The following KCNQ1OT1 variants were observed in gnomAD, a reference collection of about 807,000 sequenced individuals.
KCNQ1OT1 encodes the protein KCNQ1 antisense RNA 2 (non-protein coding).
rs552495591 is a variant in KCNQ1OT1, at chr11:2,617,778, C to T, written n.82217G>A. ...GTAATTTTGATTTGCATTTCCCTGA[C>T]GATTAGTGATGTTAAATGTCTTTTC... On this transcript the variant is annotated non_coding_transcript_exon_variant, in exon 1 of 1. Coordinates refer to ENST00000597346, the Ensembl canonical transcript of KCNQ1OT1. The surrounding 1 kb of genome is among the most constrained non-coding windows in gnomAD (Gnocchi z 4.6). The T allele has an allele frequency of 5.3e-5, 21 of 398,426 alleles. No individual in the cohort carries two copies. Among genetic ancestry groups the T allele is most frequent in the South Asian group, 2.5e-4 (2 of 7,858 alleles). The allele number at this position is 398,426 out of a possible 1,614,324, so 24.7% of individuals were successfully genotyped here. A position where few individuals can be genotyped will look rare whatever the true frequency, so the allele number is the denominator to read the frequency against.
In KCNQ1OT1 at chr11:2,674,683, T is replaced by C. The variant is rs1347173341; in HGVS notation, n.25312A>G. The C allele has an allele frequency of 5.0e-6, 2 of 398,482 alleles. No individual in the cohort carries two copies. The highest frequency in any genetic ancestry group is 7.1e-5 in the East Asian group (2 of 28,072). 24.7% of individuals were successfully genotyped at this position (398,482 alleles called of 1,614,324 possible). ...TTGCAAAATAATTTGAAAAGTTTGT[T>C]GAACCTTAAACCTTTCCTGATGACT... On this transcript the variant is annotated non_coding_transcript_exon_variant, in exon 1 of 1. Coordinates refer to ENST00000597346, the Ensembl canonical transcript of KCNQ1OT1. This position sits in a 1 kb window ranked among gnomAD's most constrained non-coding sequence, Gnocchi z 5.9.
rs183271241 is a variant in KCNQ1OT1, at chr11:2,624,350, T to C, written n.75645A>G. The C allele has an allele frequency of 1.1e-4, 44 of 398,510 alleles. No individual in the cohort carries two copies. The highest frequency in any genetic ancestry group is 9.0e-4 in the African/African-American group (44 of 48,740). 24.7% of individuals were successfully genotyped at this position (398,510 alleles called of 1,614,324 possible). On this transcript the variant is annotated non_coding_transcript_exon_variant, in exon 1 of 1. Transcript: ENST00000597346. The surrounding 1 kb of genome is among the most constrained non-coding windows in gnomAD (Gnocchi z 4.9). ...TCAGGTATATCTTTTACAAGTATTGTCTCCCTTCTGTGGCCTGTCCTTTCA... is the reference window on the plus strand; with the variant it reads ...TCAGGTATATCTTTTACAAGTATTGCCTCCCTTCTGTGGCCTGTCCTTTCA...
At chr11:2,699,623 C>T (rs1404344712) in exon 1 of KCNQ1OT1, 31 of 352,462 alleles carry the variant, frequency 8.8e-5, no homozygotes, top group Non-Finnish European at 1.1e-4. Flanking sequence ...GAGAGAACCG[C>T]GCCGAAGAAC....
chr11:2,644,030 C>G (rs1564843225), exon 1 of KCNQ1OT1: 1 of 398,438 alleles, frequency 2.5e-6, no homozygotes, highest in Non-Finnish European at 4.4e-6. Flanking sequence ...TTTTATGATT[C>G]TCTCTTTGTC....
rs1245917107 is a variant in KCNQ1OT1 at position 2,669,467 on chromosome 11, G to T, written n.30528C>A. 1 of 398,602 alleles carries T rather than the reference G, an allele frequency of 2.5e-6. No homozygotes were observed. Among genetic ancestry groups the T allele is most frequent in the South Asian group, 1.3e-4 (1 of 7,858 alleles). 24.7% of individuals were successfully genotyped at this position (398,602 alleles called of 1,614,324 possible). A position where few individuals can be genotyped will look rare whatever the true frequency, so the allele number is the denominator to read the frequency against. ...ACCTTGCCCTGTAGTTTTCAGTGTG[G>T]TGGTCATGAACAGCTTGTCAGATTC... is the stretch of plus-strand genomic sequence containing the variant. On this transcript the variant is annotated non_coding_transcript_exon_variant, in exon 1 of 1. Transcript: ENST00000597346. The surrounding 1 kb of genome is among the most constrained non-coding windows in gnomAD (Gnocchi z 5.6).
chr11:2,698,230 A>T lies in KCNQ1OT1; in HGVS notation n.1765T>A, dbSNP rs1407323720. The T allele has an allele frequency of 2.5e-6, 1 of 398,676 alleles. No homozygotes were observed. The highest frequency in any genetic ancestry group is 4.4e-5 in the Admixed American group (1 of 22,742). The allele number at this position is 398,676 out of a possible 1,614,324, so 24.7% of individuals were successfully genotyped here. A position where few individuals can be genotyped will look rare whatever the true frequency, so the allele number is the denominator to read the frequency against. ...ACTGGTAAATGCACATCAAATGTGG[A>T]TATTATCAGGAAAGTTTTTATACTT... On this transcript the variant is annotated non_coding_transcript_exon_variant, in exon 1 of 1. Transcript: ENST00000597346. This position sits in a 1 kb window ranked among gnomAD's most constrained non-coding sequence, Gnocchi z 5.1.
chr11:2,622,775 A>C (rs1042618921), exon 1 of KCNQ1OT1: 2 of 398,506 alleles, frequency 5.0e-6, no homozygotes, highest in African/African-American at 4.1e-5. Context: ...GTAAGTACAG[A>C]GATTTCCCGT....
At chr11:2,640,480 C>A in exon 1 of KCNQ1OT1, 2 of 398,204 alleles carry the variant, frequency 5.0e-6, no homozygotes, top group South Asian at 2.6e-4. Context: ...GAGACAGGGT[C>A]GTGCATTGTT....
exon 1 of KCNQ1OT1, chr11:2,643,411 A>C (rs1319610257): frequency 2.5e-6 from 1 of 398,302 alleles, no homozygotes. Context: ...CTATATAATG[A>C]CTTCGTCTCT....
chr11:2,666,786 C>G (rs1289070856), exon 1 of KCNQ1OT1: 1 of 398,628 alleles, frequency 2.5e-6, no homozygotes, highest in Non-Finnish European at 4.4e-6. Context: ...CACCATATTT[C>G]TCTCCCTGTA....
rs1422170433 is a variant in KCNQ1OT1, at chr11:2,617,458, G to C, written n.82537C>G. ...TTGTAGACATACACACCACAGTTTA[G>C]TCATCCATCAATGGACACGTAAGTT... On this transcript the variant is annotated non_coding_transcript_exon_variant, in exon 1 of 1. Coordinates refer to ENST00000597346, the Ensembl canonical transcript of KCNQ1OT1. The surrounding 1 kb of genome is among the most constrained non-coding windows in gnomAD (Gnocchi z 4.6). 1 of 398,192 alleles carries C rather than the reference G, an allele frequency of 2.5e-6. No individual in the cohort carries two copies. The highest frequency in any genetic ancestry group is 4.4e-6 in the Non-Finnish European group (1 of 225,912). 24.7% of individuals were successfully genotyped at this position (398,192 alleles called of 1,614,324 possible).
At position 2,642,060 on chromosome 11, in the gene KCNQ1OT1, A is replaced by G; in HGVS notation, n.57935T>C. 2.5e-6 allele frequency: 1 copy of G among 398,330 alleles called. No homozygotes were observed. 24.7% of individuals were successfully genotyped at this position (398,330 alleles called of 1,614,324 possible). Reference sequence around the variant, plus strand: ...ATTTTTAAATCAGGCAGTGTGATGCATCCAACTTTGTTATTTTTGCTCAGA... The same window carrying G: ...ATTTTTAAATCAGGCAGTGTGATGCGTCCAACTTTGTTATTTTTGCTCAGA... On this transcript the variant is annotated non_coding_transcript_exon_variant, in exon 1 of 1. Coordinates refer to ENST00000597346, the Ensembl canonical transcript of KCNQ1OT1. The surrounding 1 kb of genome is among the most constrained non-coding windows in gnomAD (Gnocchi z 4.3).
At position 2,617,048 on chromosome 11, in the gene KCNQ1OT1, T is replaced by C; in HGVS notation, n.82947A>G. The C allele has an allele frequency of 2.5e-6, 1 of 398,148 alleles. No individual in the cohort carries two copies. Among genetic ancestry groups the C allele is most frequent in the East Asian group, 3.6e-5 (1 of 28,054 alleles). The allele number at this position is 398,148 out of a possible 1,614,324, so 24.7% of individuals were successfully genotyped here. A position where few individuals can be genotyped will look rare whatever the true frequency, so the allele number is the denominator to read the frequency against. ...GTTAACATAGTGATGCAAATTAATA[T>C]GTCCATCATCTCACAGTTATTCTTT... On this transcript the variant is annotated non_coding_transcript_exon_variant, in exon 1 of 1. Transcript: ENST00000597346. The surrounding 1 kb of genome is among the most constrained non-coding windows in gnomAD (Gnocchi z 4.6).
exon 1 of KCNQ1OT1, chr11:2,666,613 T>A (rs1850073300): frequency 5.0e-6 from 2 of 398,512 alleles, no homozygotes; most frequent in Non-Finnish European, 8.8e-6. Flanking sequence ...AGGGCAAACG[T>A]CACAAGGGTG....
chr11:2,619,267 A>G (rs1054459170), exon 1 of KCNQ1OT1: 4 of 398,434 alleles, frequency 1.0e-5, no homozygotes, highest in Non-Finnish European at 1.8e-5. Flanking sequence ...TCATAGTAGA[A>G]GGGCTTCTGT....
In KCNQ1OT1 at chr11:2,653,972, G is replaced by C; in HGVS notation, n.46023C>G. The C allele has an allele frequency of 2.5e-6, 1 of 398,668 alleles. No homozygotes were observed. Among genetic ancestry groups the C allele is most frequent in the Admixed American group, 4.4e-5 (1 of 22,748 alleles). The allele number at this position is 398,668 out of a possible 1,614,324, so 24.7% of individuals were successfully genotyped here. A position where few individuals can be genotyped will look rare whatever the true frequency, so the allele number is the denominator to read the frequency against. On this transcript the variant is annotated non_coding_transcript_exon_variant, in exon 1 of 1. Transcript: ENST00000597346. This position sits in a 1 kb window ranked among gnomAD's most constrained non-coding sequence, Gnocchi z 5.3. ...AACAACAGGTGTCCACTCAAGCAAG[G>C]TATTTTCCTAAGCGGAACTGGGTGC...
rs923424983 is a variant in KCNQ1OT1, at chr11:2,626,255, T to G, written n.73740A>C. ...TGTTAGGTAAGGGTCTCAACTTCAT[T>G]CTCTTTTATACATGGTTAGGTAAGG... is the stretch of plus-strand genomic sequence containing the variant. On this transcript the variant is annotated non_coding_transcript_exon_variant, in exon 1 of 1. Transcript: ENST00000597346. The surrounding 1 kb of genome is among the most constrained non-coding windows in gnomAD (Gnocchi z 4.0). 2.5e-5 allele frequency: 10 copies of G among 398,412 alleles called. No homozygotes were observed. The highest frequency in any genetic ancestry group is 4.4e-5 in the Non-Finnish European group (10 of 226,060). The allele number at this position is 398,412 out of a possible 1,614,324, so 24.7% of individuals were successfully genotyped here.
exon 1 of KCNQ1OT1, chr11:2,696,612 T>C (rs542762655): frequency 3.0e-5 from 12 of 398,686 alleles, no homozygotes; most frequent in Non-Finnish European, 4.9e-5. Flanking sequence ...AACTGGAAGT[T>C]TGAGTGGAGT....
rs1485735107 is a variant in KCNQ1OT1 at position 2,629,773 on chromosome 11, T to G, written n.70222A>C. On this transcript the variant is annotated non_coding_transcript_exon_variant, in exon 1 of 1. Transcript: ENST00000597346. ...GCAAATGACTTCTGAATGCTGATTT[T>G]GTATCCTGCCACTTTACTGAGTTAG... 1.3e-5 allele frequency: 5 copies of G among 398,426 alleles called. No homozygotes were observed. In the East Asian group the frequency reaches 1.4e-4, roughly 11 times the overall value. The allele number at this position is 398,426 out of a possible 1,614,324, so 24.7% of individuals were successfully genotyped here. A position where few individuals can be genotyped will look rare whatever the true frequency, so the allele number is the denominator to read the frequency against.
Sources: gnomAD v4.1 joint callset for allele counts on GRCh38, gnomAD v4.1.1 for gene constraint, Gnocchi (gnomAD v3.1) non-coding constraint, MANE v1.5 for transcripts, NCBI Gene and HGNC (gene_info 2026-07-23, HGNC 2026-07-21) for gene names.